Variants in HEMGN observed in about 807,000 individuals in gnomAD.
HEMGN encodes the protein hemogen.
A neutral mutation model predicts 45.7 loss-of-function variants in HEMGN; 32 were observed. That is an observed-to-expected ratio of 0.70 (90% CI 0.53 to 0.94). The LOEUF is 0.94. HEMGN is among the 40% of genes least tolerant of loss of function. The pLI, the probability that HEMGN is intolerant of heterozygous loss-of-function variation, is 0.00. For synonymous variants in HEMGN, 183 were observed against 178.6 expected (o/e 1.02, Z -0.20); for missense variants, 530 against 564.2 (o/e 0.94, Z 0.61).
intron 2 of HEMGN, among the ~76,000 whole-genome samples, chr9:97,932,537 G>C (rs1826973899): frequency 6.6e-6 from 1 of 152,142 alleles, no homozygotes; most frequent in African/African-American, 2.4e-5. Flanking sequence ...CGGGTGCGTT[G>C]GCTCACGCCT....
chr9:97,929,814 A>G (rs550372916), intron 3 of HEMGN, among the ~76,000 whole-genome samples: 38 of 152,396 alleles, frequency 2.5e-4, no homozygotes, highest in African/African-American at 8.4e-4. Flanking sequence ...GATAGTATGA[A>G]TAAGTACTTA....
intron 2 of HEMGN, among the ~76,000 whole-genome samples, chr9:97,931,591 C>T (rs1352841373): frequency 6.6e-6 from 1 of 152,188 alleles, no homozygotes; most frequent in South Asian, 2.1e-4. Context: ...GGTTTATACA[C>T]TAGTCTCTTT....
rs997314394 is a variant in HEMGN at position 97,928,086 on chromosome 9, G to A, written c.1361-608C>T. On this transcript the variant is annotated intron_variant, in intron 3 of 3. Coordinates refer to ENST00000616898, the MANE Select transcript of HEMGN (RefSeq NM_197978.3). ...CTGTCGCCCAGGCTGGAGTGCAGTG[G>A]CGCGATCTCTGCTCACTGCAAGCTC... is the stretch of plus-strand genomic sequence containing the variant. Among the ~76,000 whole-genome samples, 27 of 150,570 alleles carry A rather than the reference G, an allele frequency of 1.8e-4. 1 individual carries two copies. The highest frequency in any genetic ancestry group is 3.2e-4 in the Non-Finnish European group (22 of 67,788).
In HEMGN at chr9:97,927,449, C is replaced by G; in HGVS notation, c.1390G>C (p.Gly464Arg). The G allele has an allele frequency of 1.9e-6, 3 of 1,608,926 alleles. No individual in the cohort carries two copies. ...EMKEKPKEEP[G>R]IPAILNESHP... ...CTCTCATTCAGAATTGCTGGTATTC[C>G]TGGCTCTTCTTTGGGTTTTTCTTTC... Residue 464 changes from glycine (G) to arginine (R), a missense_variant, in exon 4 of 4, where the codon GGA becomes CGA. By Grantham distance (125) the Gly-to-Arg change is moderately radical. Transcript: ENST00000616898.
At chr9:97,931,715 G>C (rs750546739) in intron 2 of HEMGN, among the ~76,000 whole-genome samples, 3 of 152,072 alleles carry the variant, frequency 2.0e-5, no homozygotes, top group Non-Finnish European at 4.4e-5. Flanking sequence ...GCTGTATATG[G>C]CTTGATTATC....
intron 1 of HEMGN, among the ~76,000 whole-genome samples, chr9:97,937,228 A>T (rs531822599): frequency 8.1e-4 from 124 of 152,152 alleles, no homozygotes; most frequent in African/African-American, 2.8e-3. Context: ...TTCAACTTTT[A>T]TTTTAAGTTC....
chr9:97,933,193 A>G (rs1246243928), intron 2 of HEMGN, among the ~76,000 whole-genome samples: 1 of 152,218 alleles, frequency 6.6e-6, no homozygotes, highest in Admixed American at 6.5e-5. Context: ...ATATCGGCCC[A>G]ATTTCATGTG....
In HEMGN at chr9:97,930,281, G is replaced by T. The variant is rs138552503; in HGVS notation, c.1114C>A (p.Gln372Lys). The change falls in exon 3 of 4, where the codon CAA becomes AAA. Residue 372 changes from glutamine (Q) to lysine (K), a missense_variant. By Grantham distance (53) the Gln-to-Lys change is moderately conservative. Transcript: ENST00000616898. ...TATTCTTCAAGCCCAGGTATTTCTTGATACGTTTCAGGTGAATATTTTTCA... is the reference window on the plus strand; with the variant it reads ...TATTCTTCAAGCCCAGGTATTTCTTTATACGTTTCAGGTGAATATTTTTCA... ...GSEKYSPETYQEIPGLEEYSP... is the reference protein window; with the variant it reads ...GSEKYSPETYKEIPGLEEYSP... 249 of 1,613,916 alleles carry T rather than the reference G, an allele frequency of 1.5e-4. No individual in the cohort carries two copies. The highest frequency in any genetic ancestry group is 2.0e-4 in the Non-Finnish European group (241 of 1,179,952).
chr9:97,930,530 G>T lies in HEMGN; in HGVS notation c.865C>A (p.Gln289Lys). The T allele has an allele frequency of 6.2e-7, 1 of 1,614,068 alleles. No individual in the cohort carries two copies. Among genetic ancestry groups the T allele is most frequent in the Non-Finnish European group, 8.5e-7 (1 of 1,179,964 alleles). ...AEPEEYNETD[Q>K]GIAETEGLFP... ...AGGCCTTCTGTCTCAGCTATTCCTTGATCTGTTTCATTGTATTCCTCTGGT... is the reference window on the plus strand; with the variant it reads ...AGGCCTTCTGTCTCAGCTATTCCTTTATCTGTTTCATTGTATTCCTCTGGT... The change falls in exon 3 of 4, where the codon CAA becomes AAA. Residue 289 changes from glutamine (Q) to lysine (K), a missense_variant. Coordinates refer to ENST00000616898, the MANE Select transcript of HEMGN (RefSeq NM_197978.3).
At position 97,936,281 on chromosome 9, in the gene HEMGN, G is replaced by C. The variant is rs1386231780; in HGVS notation, c.80-17C>G. On this transcript the variant is annotated splice_polypyrimidine_tract_variant and intron_variant, in intron 1 of 3. Coordinates refer to ENST00000616898, the MANE Select transcript of HEMGN (RefSeq NM_197978.3). ...CAATGACTTCTGTAATAAAATGAAAGTGATTAGAAAAAGTGATGAACTGTG... is the reference window on the plus strand; with the variant it reads ...CAATGACTTCTGTAATAAAATGAAACTGATTAGAAAAAGTGATGAACTGTG... 6.5e-7 allele frequency: 1 copy of C among 1,544,172 alleles called. No homozygotes were observed. Among genetic ancestry groups the C allele is most frequent in the Non-Finnish European group, 8.9e-7 (1 of 1,120,482 alleles).
At chr9:97,931,844 G>A (rs1826959955) in intron 2 of HEMGN, among the ~76,000 whole-genome samples, 1 of 152,174 alleles carries the variant, frequency 6.6e-6, no homozygotes, top group African/African-American at 2.4e-5. Context: ...AGGTAGATAG[G>A]CATGAGTGGC....
At chr9:97,930,003 G>A (rs1826910100) in intron 3 of HEMGN, 32 bp downstream of exon 3, 1 of 1,509,508 alleles carries the variant, frequency 6.6e-7, no homozygotes, top group Admixed American at 1.8e-5. Context: ...TGGGGGAGAT[G>A]TACCTACCTT....
rs750515468 is a variant in HEMGN, at chr9:97,930,300, T to C, written c.1095A>G (p.Lys365=). 2 of 1,614,066 alleles carry C rather than the reference T, an allele frequency of 1.2e-6. No individual in the cohort carries two copies. Among genetic ancestry groups the C allele is most frequent in the South Asian group, 2.2e-5 (2 of 91,062 alleles). Residue 365 remains lysine (K), a synonymous_variant, in exon 3 of 4, where the codon AAA becomes AAG. Transcript: ENST00000616898. The stretch of plus-strand genomic sequence containing the variant: ...TTTCTTGATACGTTTCAGGTGAATA[T>C]TTTTCAGACCCAGGAGTTTCTTGGT... The part of the protein sequence containing the change: ...EINQETPGSE[K]YSPETYQEIP...
At chr9:97,940,661 A>G (rs1827139264), upstream of HEMGN, among the ~76,000 whole-genome samples, 1 of 152,242 alleles carries the variant, frequency 6.6e-6, no homozygotes, top group Non-Finnish European at 1.5e-5. Flanking sequence ...GTTAGGCATT[A>G]AAGTCCACAT....
At chr9:97,934,193 C>T (rs1045368327) in intron 2 of HEMGN, among the ~76,000 whole-genome samples, 1 of 151,894 alleles carries the variant, frequency 6.6e-6, no homozygotes, top group African/African-American at 2.4e-5. Flanking sequence ...CTAAAAAATA[C>T]AAAAACTAGC....
rs1450038969 is a variant in HEMGN, at chr9:97,928,023, G to GT, written c.1361-546dup. 2.6e-3 allele frequency among the ~76,000 whole-genome samples: 374 copies of GT among 144,340 alleles called. 1 individual carries two copies. The highest frequency in any genetic ancestry group is 9.0e-3 in the African/African-American group (355 of 39,400). 94.7% of individuals were successfully genotyped at this position (144,340 alleles called of 152,430 possible). On this transcript the variant is annotated intron_variant, in intron 3 of 3. Coordinates refer to ENST00000616898, the MANE Select transcript of HEMGN (RefSeq NM_197978.3). ...CTCAGCCTTTTGGCTAAGATCAAGT[G>GT]TATTTTTTTTTTTTTTTTTTTGAGC... is the stretch of plus-strand genomic sequence containing the variant.
rs560784068 is a variant in HEMGN, at chr9:97,926,959, A to G, written c.*425T>C. The G allele has an allele frequency of 6.5e-6, 1 of 152,834 alleles. No individual in the cohort carries two copies. Among genetic ancestry groups the G allele is most frequent in the African/African-American group, 2.4e-5 (1 of 41,604 alleles). 9.5% of individuals were successfully genotyped at this position (152,834 alleles called of 1,614,324 possible). On this transcript the variant is annotated 3_prime_UTR_variant, in exon 4 of 4. Coordinates refer to ENST00000616898, the MANE Select transcript of HEMGN (RefSeq NM_197978.3). The stretch of plus-strand genomic sequence containing the variant: ...CAAAAGAGTCAACTAAAGCCTGAAT[A>G]AAATTTTGATGCTACTGTTACATTA...
intron 3 of HEMGN, among the ~76,000 whole-genome samples, chr9:97,928,932 A>G (rs1826888287): frequency 6.6e-6 from 1 of 151,846 alleles, no homozygotes; most frequent in South Asian, 2.1e-4. Flanking sequence ...CAACCTTAAC[A>G]TTGGGAACTG....
At chr9:97,944,778 T>A (rs1347507289) in exon 1 of HEMGN, 2 of 152,212 alleles carry the variant, frequency 1.3e-5, no homozygotes, top group Non-Finnish European at 2.9e-5. Context: ...CTTCCCTGTT[T>A]TGCCGTGAAT....
Sources: allele counts gnomAD v4.1 joint callset (sites outside exome capture counted in the v4.1 genomes callset), GRCh38; gene constraint gnomAD v4.1.1; transcripts MANE v1.5; gene names NCBI Gene and HGNC (gene_info 2026-07-23, HGNC 2026-07-21).